Variants in HCN1 observed in about 807,000 individuals in gnomAD.
The protein encoded by HCN1 is potassium/sodium hyperpolarization-activated cyclic nucleotide-gated channel 1.
Under a neutral mutation model 78.9 loss-of-function variants are expected in HCN1, and 13 were observed. That is an observed-to-expected ratio of 0.16 (90% CI 0.11 to 0.26). HCN1 has a LOEUF of 0.26. Ranked by LOEUF, HCN1 falls within the 10% of genes least tolerant of loss-of-function variation. The probability of loss-of-function intolerance (pLI) is 1.00; values close to 1 mark genes in which losing one functional copy is unlikely to be tolerated. For missense variants in HCN1, 810 were observed against 1,154.3 expected (o/e 0.70, Z 4.32); for synonymous variants, 552 against 455.5 (o/e 1.21, Z -2.70).
At chr5:45,683,484 G>A (rs77468286) in intron 1 of HCN1, among the ~76,000 whole-genome samples, 357 of 152,122 alleles carry the variant, frequency 2.3e-3, no homozygotes, top group African/African-American at 8.1e-3. Flanking sequence ...TATATTTCTA[G>A]TTAGAATTGT....
intron 6 of HCN1, among the ~76,000 whole-genome samples, chr5:45,284,187 A>C (rs1213211623): frequency 1.3e-5 from 2 of 152,124 alleles, no homozygotes; most frequent in African/African-American, 4.8e-5. Flanking sequence ...ATTGGGTATT[A>C]GGCTTGGTAC....
chr5:45,506,254 G>T (rs753165983), intron 2 of HCN1, among the ~76,000 whole-genome samples: 3 of 152,034 alleles, frequency 2.0e-5, no homozygotes, highest in African/African-American at 7.2e-5. Context: ...CATGCTTCAA[G>T]TGCATATGTT....
chr5:45,318,323 C>G (rs1746045943), intron 5 of HCN1, among the ~76,000 whole-genome samples: 1 of 151,978 alleles, frequency 6.6e-6, no homozygotes, highest in Non-Finnish European at 1.5e-5. Flanking sequence ...GACAAAAAAA[C>G]AAACACCACA....
At chr5:45,651,309 C>T (rs1205323509) in intron 1 of HCN1, among the ~76,000 whole-genome samples, 1 of 151,988 alleles carries the variant, frequency 6.6e-6, no homozygotes, top group Non-Finnish European at 1.5e-5. Context: ...CCATAGTGTG[C>T]TGCTTCTGTG....
intron 4 of HCN1, among the ~76,000 whole-genome samples, chr5:45,356,371 A>G (rs904953073): frequency 3.3e-5 from 5 of 151,920 alleles, no homozygotes; most frequent in Non-Finnish European, 7.4e-5. Flanking sequence ...GTTTCTGTAT[A>G]ATTATAAAAA....
intron 2 of HCN1, among the ~76,000 whole-genome samples, chr5:45,517,064 G>GT (rs1437566967): frequency 2.0e-5 from 3 of 151,876 alleles, no homozygotes; most frequent in African/African-American, 7.2e-5. Flanking sequence ...GAAAAAAATT[G>GT]TAAGACTGCT....
chr5:45,505,730 T>C (rs1439617253), intron 2 of HCN1, among the ~76,000 whole-genome samples: 2 of 152,256 alleles, frequency 1.3e-5, no homozygotes, highest in South Asian at 2.1e-4. Flanking sequence ...GGAAGCTTAG[T>C]TTATTAATAT....
Position 45,325,310 on chromosome 5 carries a change from T to A in HCN1, c.1378-21471A>T, listed in dbSNP as rs144135114. ...AAAATCTCTGTCATTAATAAAACAC[T>A]CCAAGTCATAAGCAGTCAGGTGTGG... On this transcript the variant is annotated intron_variant, in intron 5 of 7. Coordinates refer to ENST00000303230, the MANE Select transcript of HCN1 (RefSeq NM_021072.4). Among the ~76,000 whole-genome samples the A allele has an allele frequency of 2.6e-3, 394 of 151,788 alleles. 1 individual carries two copies. The highest frequency in any genetic ancestry group is 9.0e-3 in the African/African-American group (373 of 41,462).
chr5:45,579,483 T>C (rs995291295), intron 2 of HCN1, among the ~76,000 whole-genome samples: 1 of 152,074 alleles, frequency 6.6e-6, no homozygotes, highest in Non-Finnish European at 1.5e-5. Context: ...CCTGCAAGTA[T>C]CTACCATGGT....
At chr5:45,598,849 C>G (rs1339617094) in intron 2 of HCN1, among the ~76,000 whole-genome samples, 1 of 152,176 alleles carries the variant, frequency 6.6e-6, no homozygotes, top group East Asian at 1.9e-4. Context: ...AAATGCAAAT[C>G]AAAACCACAA....
At chr5:45,301,891 A>T (rs186874093) in intron 6 of HCN1, among the ~76,000 whole-genome samples, 1 of 152,166 alleles carries the variant, frequency 6.6e-6, no homozygotes, top group Admixed American at 6.6e-5. Flanking sequence ...TTAAGAAACA[A>T]GCAACAAATT....
intron 2 of HCN1, among the ~76,000 whole-genome samples, chr5:45,531,465 G>C (rs1399710252): frequency 6.6e-6 from 1 of 152,090 alleles, no homozygotes; most frequent in Non-Finnish European, 1.5e-5. Flanking sequence ...CCATAAATCT[G>C]ATCCTGGTAC....
intron 4 of HCN1, among the ~76,000 whole-genome samples, chr5:45,372,752 T>G (rs1400142632): frequency 1.4e-5 from 2 of 143,284 alleles, no homozygotes; most frequent in East Asian, 2.1e-4. Context: ...TATATACGTA[T>G]TCTATACACA....
intron 2 of HCN1, among the ~76,000 whole-genome samples, chr5:45,527,545 TTCTC>T (rs1284332467): frequency 9.2e-5 from 14 of 151,432 alleles, no homozygotes; most frequent in Non-Finnish European, 7.4e-5. Flanking sequence ...TCTCTCTCTT[TTCTC>T]TCTCTTTCTC....
chr5:45,329,926 G>A (rs1746311820), intron 5 of HCN1, among the ~76,000 whole-genome samples: 1 of 151,170 alleles, frequency 6.6e-6, no homozygotes, highest in Non-Finnish European at 1.5e-5. Context: ...AATAAGTTGG[G>A]GCAGTCAAGG....
At chr5:45,504,389 T>C (rs1292070739) in intron 2 of HCN1, among the ~76,000 whole-genome samples, 2 of 152,122 alleles carry the variant, frequency 1.3e-5, no homozygotes, top group African/African-American at 2.4e-5. Flanking sequence ...CTGAGAATGA[T>C]GGTTTCCAGC....
intron 5 of HCN1, among the ~76,000 whole-genome samples, chr5:45,349,034 C>G (rs1746822092): frequency 6.6e-6 from 1 of 152,206 alleles, no homozygotes; most frequent in Non-Finnish European, 1.5e-5. Flanking sequence ...TAATAGACAT[C>G]TACAGAACTC....
At chr5:45,552,698 T>A (rs1451570003) in intron 2 of HCN1, among the ~76,000 whole-genome samples, 1 of 151,962 alleles carries the variant, frequency 6.6e-6, no homozygotes, top group East Asian at 1.9e-4. Context: ...ATTTTACTCA[T>A]CCACTCAAAA....
intron 2 of HCN1, among the ~76,000 whole-genome samples, chr5:45,604,166 A>G (rs1374702963): frequency 6.6e-6 from 1 of 152,098 alleles, no homozygotes; most frequent in Non-Finnish European, 1.5e-5. Context: ...GCTGCCAATA[A>G]TTTTCTAAGT....
Sources: allele counts gnomAD v4.1 joint callset (sites outside exome capture counted in the v4.1 genomes callset), GRCh38; gene constraint gnomAD v4.1.1; transcripts MANE v1.5; gene names NCBI Gene and HGNC (gene_info 2026-07-23, HGNC 2026-07-21).